Variants in SLC25A12 observed in about 807,000 individuals in gnomAD.
SLC25A12 encodes electrogenic aspartate/glutamate antiporter SLC25A12, mitochondrial.
In SLC25A12, 32 loss-of-function variants were observed where a neutral mutation model predicts 83.3. The ratio of observed to expected loss-of-function variants is 0.38; its 90% CI spans 0.29 to 0.52. SLC25A12 has a LOEUF of 0.52. Ranked by LOEUF, SLC25A12 falls within the 20% of genes least tolerant of loss-of-function variation. The pLI is 0.84. For missense variants in SLC25A12, 611 were observed against 835.6 expected, an observed-to-expected ratio of 0.73 and a Z score of 3.31; for synonymous variants, 267 against 291.1, an observed-to-expected ratio of 0.92 and a Z score of 0.84.
rs1034204040 is a variant in SLC25A12 at position 171,784,161 on chromosome 2, T to C, written c.*1113A>G. 1.3e-5 allele frequency among the ~76,000 whole-genome samples: 2 copies of C among 152,218 alleles called. No homozygotes were observed. Among genetic ancestry groups the C allele is most frequent in the African/African-American group, 4.8e-5 (2 of 41,454 alleles). On this transcript the variant is annotated 3_prime_UTR_variant, in exon 18 of 18. Coordinates refer to ENST00000422440, the MANE Select transcript of SLC25A12 (RefSeq NM_003705.5). ...GCATTTGGATTCCAAAGTAAGAACC[T>C]AGACCCCACTAAATCACCATATAGA...
intron 13 of SLC25A12, among the ~76,000 whole-genome samples, chr2:171,803,773 G>A (rs1683761810): frequency 6.6e-6 from 1 of 151,566 alleles, no homozygotes; most frequent in South Asian, 2.1e-4. Context: ...CTCTCAGCTT[G>A]GGCAACATAG....
chr2:171,820,727 C>CAAA, intron 9 of SLC25A12, among the ~76,000 whole-genome samples: 1 of 109,594 alleles, frequency 9.1e-6, no homozygotes, highest in South Asian at 3.0e-4. Context: ...GACTCCGTCT[C>CAAA]AAAAAAAAAA....
intron 13 of SLC25A12, among the ~76,000 whole-genome samples, chr2:171,797,985 T>A (rs905076997): frequency 2.0e-5 from 3 of 152,170 alleles, no homozygotes; most frequent in African/African-American, 4.8e-5. Context: ...TTCCCGCCTA[T>A]TTTTTAAAAG....
At chr2:171,799,218 C>T (rs972715280) in intron 13 of SLC25A12, among the ~76,000 whole-genome samples, 2 of 152,090 alleles carry the variant, frequency 1.3e-5, no homozygotes, top group South Asian at 2.1e-4. Context: ...ATTACTCCAT[C>T]GAAGGTATTT....
intron 5 of SLC25A12, 98 bp downstream of exon 5, chr2:171,844,271 A>G: frequency 7.6e-7 from 1 of 1,321,758 alleles, no homozygotes; most frequent in Non-Finnish European, 1.1e-6. Context: ...GTGAAATACC[A>G]TGGAGAACTT....
intron 3 of SLC25A12, among the ~76,000 whole-genome samples, chr2:171,861,548 A>G (rs538197635): frequency 2.1e-4 from 32 of 152,292 alleles, no homozygotes; most frequent in African/African-American, 7.2e-4. Flanking sequence ...CTGGGACTAC[A>G]GACAAGCACC....
intron 11 of SLC25A12, among the ~76,000 whole-genome samples, chr2:171,810,913 T>C (rs1283004123): frequency 6.6e-5 from 10 of 152,314 alleles, no homozygotes; most frequent in African/African-American, 2.4e-4. Flanking sequence ...TATTGACTAA[T>C]ATATGTCAAG....
chr2:171,820,058 A>G (rs1366938283), intron 9 of SLC25A12, among the ~76,000 whole-genome samples: 1 of 152,236 alleles, frequency 6.6e-6, no homozygotes, highest in East Asian at 1.9e-4. Context: ...AACAACGGAC[A>G]CTGGGGTCTA....
Position 171,785,024 on chromosome 2 carries a change from A to G in SLC25A12, c.*250T>C. ...GTGCAAGCTGTGCAAAGCAGAGTCT[A>G]GAACACTAATTCATGCCAAGGCTTA... On this transcript the variant is annotated 3_prime_UTR_variant, in exon 18 of 18. Coordinates refer to ENST00000422440, the MANE Select transcript of SLC25A12 (RefSeq NM_003705.5). 2.2e-6 allele frequency: 1 copy of G among 452,736 alleles called. No homozygotes were observed. The highest frequency in any genetic ancestry group is 4.1e-6 in the Non-Finnish European group (1 of 243,094). The allele number at this position is 452,736 out of a possible 1,614,324, so 28.0% of individuals were successfully genotyped here. A position where few individuals can be genotyped will look rare whatever the true frequency, so the allele number is the denominator to read the frequency against.
intron 13 of SLC25A12, among the ~76,000 whole-genome samples, chr2:171,798,069 C>G (rs1683633781): frequency 6.6e-6 from 1 of 152,076 alleles, no homozygotes; most frequent in South Asian, 2.1e-4. Flanking sequence ...TTTCTTTGTT[C>G]TAGAACTGAG....
At chr2:171,874,156 G>A (rs1197870315) in intron 2 of SLC25A12, among the ~76,000 whole-genome samples, 1 of 152,194 alleles carries the variant, frequency 6.6e-6, no homozygotes, top group Non-Finnish European at 1.5e-5. Flanking sequence ...AACCCGGGAG[G>A]CGGAGGTTGC....
intron 4 of SLC25A12, among the ~76,000 whole-genome samples, chr2:171,850,385 G>A (rs1344096965): frequency 5.6e-5 from 6 of 107,952 alleles, no homozygotes; most frequent in Non-Finnish European, 8.6e-5. Context: ...TTGCTCTGTC[G>A]CCCAGGCTGC....
chr2:171,817,851 A>G (rs528970890), intron 9 of SLC25A12, among the ~76,000 whole-genome samples: 7 of 152,210 alleles, frequency 4.6e-5, no homozygotes, highest in African/African-American at 1.7e-4. Flanking sequence ...AACTGCATAT[A>G]TTTTTCTGTA....
intron 5 of SLC25A12, among the ~76,000 whole-genome samples, chr2:171,842,232 T>C (rs1257189813): frequency 6.6e-6 from 1 of 151,354 alleles, no homozygotes; most frequent in Non-Finnish European, 1.5e-5. Flanking sequence ...CACTGATACA[T>C]GCTATGACAT....
chr2:171,844,721 A>G (rs929646105), intron 4 of SLC25A12, among the ~76,000 whole-genome samples: 2 of 152,188 alleles, frequency 1.3e-5, no homozygotes, highest in Non-Finnish European at 2.9e-5. Flanking sequence ...AATATGTACC[A>G]TTGCATATAA....
intron 10 of SLC25A12, among the ~76,000 whole-genome samples, chr2:171,814,519 G>A (rs142347188): frequency 0.019 from 2,836 of 151,674 alleles, 56 homozygotes; most frequent in Admixed American, 0.067. Context: ...TTTTAGGTGT[G>A]GGGTATATAT....
In SLC25A12 at chr2:171,880,313, C is replaced by T. The variant is rs539355899; in HGVS notation, c.67-11490G>A. 4.4e-4 allele frequency among the ~76,000 whole-genome samples: 67 copies of T among 152,166 alleles called. 2 individuals carry two copies. In the South Asian group the frequency reaches 0.014, roughly 31 times the overall value. On this transcript the variant is annotated intron_variant, in intron 2 of 17. Transcript: ENST00000422440. ...ATTTTATTTTTTTGAGATGGAGTCT[C>T]CCTCTGTCACCCAGGCTGGAGTGCA...
intron 3 of SLC25A12, among the ~76,000 whole-genome samples, chr2:171,866,553 C>T (rs1219527537): frequency 2.8e-5 from 4 of 142,696 alleles, no homozygotes; most frequent in African/African-American, 1.0e-4. Flanking sequence ...AGGCGCCCCT[C>T]ACCTCCCGAA....
chr2:171,844,569 A>C (rs1684751307), intron 4 of SLC25A12, 61 bp from the exon 5 acceptor site: 1 of 1,175,766 alleles, frequency 8.5e-7, no homozygotes, highest in East Asian at 2.4e-5. Context: ...AAACCACTGC[A>C]ATGTTCCTAC....
Sources: gnomAD v4.1 joint callset for allele counts (sites outside exome capture counted in the v4.1 genomes callset) on GRCh38, gnomAD v4.1.1 for gene constraint, MANE v1.5 for transcripts, NCBI Gene and HGNC (gene_info 2026-07-23, HGNC 2026-07-21) for gene names.